The following PPEF1 variants were observed in gnomAD, a reference collection of about 807,000 sequenced individuals.
PPEF1 encodes serine/threonine-protein phosphatase with EF-hands 1.
Under a neutral mutation model 53.3 loss-of-function variants are expected in PPEF1, and 12 were observed. That is an observed-to-expected ratio of 0.23 (90% CI 0.14 to 0.36). The LOEUF is 0.36. Among genes scored for constraint, PPEF1 ranks in the 10% least tolerant of loss-of-function variants. PPEF1 has a pLI of 1.00. For missense variants in PPEF1, 334 were observed against 490.4 expected, an observed-to-expected ratio of 0.68 and a Z score of 3.01; for synonymous variants, 165 against 176.7, an observed-to-expected ratio of 0.93 and a Z score of 0.52.
intron 4 of PPEF1, among the ~76,000 whole-genome samples, chrX:18,751,351 A>G (rs2045440396): frequency 8.9e-6 from 1 of 112,011 alleles, no homozygotes; most frequent in South Asian, 3.7e-4. Context: ...ATGTCTGTGA[A>G]TGATTTTGAG....
At chrX:18,800,147 T>G (rs2046520032) in intron 10 of PPEF1, among the ~76,000 whole-genome samples, 1 of 111,640 alleles carries the variant, frequency 9.0e-6, no homozygotes, top group Non-Finnish European at 1.9e-5. Flanking sequence ...TTGCCCAAGG[T>G]GACTTAGGTA....
intron 5 of PPEF1, among the ~76,000 whole-genome samples, chrX:18,759,446 G>A (rs934288297): frequency 4.5e-5 from 5 of 111,249 alleles, no homozygotes; most frequent in African/African-American, 1.3e-4. Flanking sequence ...AATATGCCCC[G>A]TAGTTTTCAG....
chrX:18,728,189 C>T (rs1281864575), intron 1 of PPEF1, among the ~76,000 whole-genome samples: 2 of 106,638 alleles, frequency 1.9e-5, no homozygotes, highest in East Asian at 5.7e-4. Flanking sequence ...CTCTCTCTCG[C>T]TCTCTCTCTC....
chrX:18,821,784 AGAGAGAGAGAGAGAGAGAG>A (rs1569273824), intron 13 of PPEF1, among the ~76,000 whole-genome samples: 3 of 104,548 alleles, frequency 2.9e-5, no homozygotes, highest in African/African-American at 1.0e-4. Flanking sequence ...AGAGAGAGAG[AGAGAGAGAGAGAGAGAGAG>A]AAAACAAATA....
At chrX:18,724,858 C>G (rs768050643) in intron 1 of PPEF1, among the ~76,000 whole-genome samples, 15 of 111,016 alleles carry the variant, frequency 1.4e-4, no homozygotes, top group African/African-American at 4.3e-4. Context: ...GAGGTTTCTT[C>G]TCCAGGGGAG....
chrX:18,732,573 G>A (rs1025102893), intron 2 of PPEF1, among the ~76,000 whole-genome samples: 8 of 111,974 alleles, frequency 7.1e-5, no homozygotes, highest in African/African-American at 2.6e-4. Flanking sequence ...ATGTCTGATT[G>A]TGGTTTCTAT....
chrX:18,746,623 G>A (rs907338489), intron 3 of PPEF1, among the ~76,000 whole-genome samples: 2 of 112,031 alleles, frequency 1.8e-5, no homozygotes, highest in African/African-American at 6.5e-5. Flanking sequence ...TCAGTTAGCC[G>A]ATGGGAAAGG....
chrX:18,684,665 C>T (rs1208605362), exon 2 of PPEF1, among the ~76,000 whole-genome samples: 2 of 107,250 alleles, frequency 1.9e-5, no homozygotes, highest in African/African-American at 3.4e-5. Flanking sequence ...CTCACTCTGT[C>T]GCCCAGGCTG....
chrX:18,708,830 CT>C (rs2044259482), intron 1 of PPEF1, among the ~76,000 whole-genome samples: 1 of 111,520 alleles, frequency 9.0e-6, no homozygotes, highest in Non-Finnish European at 1.9e-5. Context: ...TGAAATAAAT[CT>C]TTCAAAAGCT....
chrX:18,783,804 G>A, intron 8 of PPEF1, 95 bp from the exon 9 acceptor site: 1 of 837,732 alleles, frequency 1.2e-6, no homozygotes, highest in Non-Finnish European at 1.7e-6. Context: ...TCCTTTGAGT[G>A]GCCTGAAAAT....
intron 3 of PPEF1, among the ~76,000 whole-genome samples, chrX:18,738,531 G>A (rs946590581): frequency 2.7e-5 from 3 of 111,968 alleles, no homozygotes; most frequent in African/African-American, 6.5e-5. Flanking sequence ...TGGGTAACCC[G>A]ACCTTTCTCT....
At chrX:18,703,426 C>T (rs561547615), upstream of PPEF1, among the ~76,000 whole-genome samples, 22 of 112,005 alleles carry the variant, frequency 2.0e-4, no homozygotes, top group African/African-American at 7.1e-4. Flanking sequence ...AAGTACTACC[C>T]CTTTCTGATT....
At chrX:18,798,138 G>T (rs1016828514) in intron 10 of PPEF1, among the ~76,000 whole-genome samples, 1 of 110,666 alleles carries the variant, frequency 9.0e-6, no homozygotes, top group Non-Finnish European at 1.9e-5. Context: ...TGGGAATGCA[G>T]TAGTGCAACT....
chrX:18,779,980 G>C (rs2046051550), intron 7 of PPEF1, among the ~76,000 whole-genome samples: 1 of 111,576 alleles, frequency 9.0e-6, no homozygotes, highest in African/African-American at 3.3e-5. Context: ...AATTCTCAAG[G>C]TATGGAAGCA....
upstream of PPEF1, chrX:18,707,612 G>A (rs760286138): frequency 1.7e-5 from 7 of 423,585 alleles, no homozygotes; most frequent in Non-Finnish European, 2.5e-5. Context: ...GCTACCATGT[G>A]GTTAACTGGC....
chrX:18,736,816 T>C (rs1364948920), intron 3 of PPEF1, among the ~76,000 whole-genome samples: 3 of 112,467 alleles, frequency 2.7e-5, no homozygotes, highest in African/African-American at 9.7e-5. Flanking sequence ...AGCCTGTTAT[T>C]GGTCTATTCA....
chrX:18,714,095 T>C (rs750144715), intron 1 of PPEF1, among the ~76,000 whole-genome samples: 4 of 111,286 alleles, frequency 3.6e-5, no homozygotes, highest in South Asian at 7.5e-4. Context: ...AAGCTCTTGA[T>C]AGAAAATGAT....
chrX:18,691,796 A>G (rs1198770776), intron 4 of PPEF1, among the ~76,000 whole-genome samples: 2 of 112,022 alleles, frequency 1.8e-5, no homozygotes, highest in Non-Finnish European at 1.9e-5. Context: ...TTCATGCAAA[A>G]CATCCATAAC....
chrX:18,777,509 T>C (rs1452620484), intron 6 of PPEF1, among the ~76,000 whole-genome samples: 1 of 111,834 alleles, frequency 8.9e-6, no homozygotes, highest in Non-Finnish European at 1.9e-5. Flanking sequence ...TTTTCTTTTT[T>C]CTTTTCTTTT....
Sources: gnomAD v4.1 joint callset for allele counts (sites outside exome capture counted in the v4.1 genomes callset) on GRCh38, gnomAD v4.1.1 for gene constraint, MANE v1.5 for transcripts, NCBI Gene and HGNC (gene_info 2026-07-23, HGNC 2026-07-21) for gene names.